Variants in TMEM232 observed in about 807,000 individuals in gnomAD.
TMEM232 encodes transmembrane protein 232.
TMEM232 carries 80 observed loss-of-function variants against 78.8 expected under a neutral mutation model. That is an observed-to-expected ratio of 1.01 (90% confidence interval 0.85 to 1.22). TMEM232 has a LOEUF of 1.22. Among genes scored for constraint, TMEM232 ranks in the 50% most tolerant of loss-of-function variants. The probability of loss-of-function intolerance (pLI) is 0.00; values close to 1 mark genes in which losing one functional copy is unlikely to be tolerated. For missense variants in TMEM232, 881 were observed against 742.2 expected, an observed-to-expected ratio of 1.19 and a Z score of -2.17; for synonymous variants, 297 against 254.3, an observed-to-expected ratio of 1.17 and a Z score of -1.60.
At chr5:110,540,748 T>C (rs965020137) in intron 11 of TMEM232, among the ~76,000 whole-genome samples, 3 of 152,188 alleles carry the variant, frequency 2.0e-5, no homozygotes, top group Admixed American at 2.0e-4. Flanking sequence ...TACCTGAGCA[T>C]TAATGTTGGG....
At chr5:110,597,594 C>T (rs538260269) in intron 10 of TMEM232, among the ~76,000 whole-genome samples, 34 of 151,612 alleles carry the variant, frequency 2.2e-4, no homozygotes, top group East Asian at 7.8e-4. Context: ...GGAGGCATCA[C>T]GCTACCTGAC....
chr5:110,695,002 C>G (rs981118612), intron 1 of TMEM232, among the ~76,000 whole-genome samples: 1 of 152,126 alleles, frequency 6.6e-6, no homozygotes, highest in South Asian at 2.1e-4. Flanking sequence ...AATATACATT[C>G]TTTTCAGCAC....
intron 1 of TMEM232, among the ~76,000 whole-genome samples, chr5:110,691,649 C>A (rs1372191491): frequency 6.6e-6 from 1 of 152,208 alleles, no homozygotes; most frequent in African/African-American, 2.4e-5. Flanking sequence ...TTACTGATTA[C>A]AACTTTGTCT....
intron 1 of TMEM232, among the ~76,000 whole-genome samples, chr5:110,719,748 C>T (rs1007897327): frequency 6.6e-6 from 1 of 152,136 alleles, no homozygotes; most frequent in Admixed American, 6.6e-5. Context: ...GGCATTCACA[C>T]CGTCACCCTG....
intron 12 of TMEM232, among the ~76,000 whole-genome samples, chr5:110,482,494 T>A (rs969903106): frequency 6.6e-6 from 1 of 151,660 alleles, no homozygotes; most frequent in African/African-American, 2.4e-5. Flanking sequence ...GGCAGGAGAA[T>A]CACTTGAACC....
chr5:110,639,754 C>T (rs1359438306), intron 4 of TMEM232, among the ~76,000 whole-genome samples: 3 of 152,196 alleles, frequency 2.0e-5, no homozygotes, highest in African/African-American at 7.2e-5. Context: ...CCAGCAGTCC[C>T]CAACCTTTTT....
At chr5:110,681,233 G>A (rs1395716547) in intron 1 of TMEM232, among the ~76,000 whole-genome samples, 2 of 152,154 alleles carry the variant, frequency 1.3e-5, no homozygotes, top group African/African-American at 4.8e-5. Flanking sequence ...TTTGGCCGAG[G>A]GGTGAGACTC....
At chr5:110,644,666 A>C (rs1787222088) in intron 2 of TMEM232, among the ~76,000 whole-genome samples, 1 of 151,734 alleles carries the variant, frequency 6.6e-6, no homozygotes, top group African/African-American at 2.4e-5. Context: ...ACATGAAGAA[A>C]TATCTGGAAA....
intron 10 of TMEM232, among the ~76,000 whole-genome samples, chr5:110,591,721 C>T (rs1301329531): frequency 1.3e-5 from 2 of 151,986 alleles, no homozygotes; most frequent in African/African-American, 4.8e-5. Context: ...TTCTGATATT[C>T]AAGTGACAAA....
At chr5:110,711,781 A>G (rs1394737063) in intron 1 of TMEM232, among the ~76,000 whole-genome samples, 1 of 152,164 alleles carries the variant, frequency 6.6e-6, no homozygotes, top group Non-Finnish European at 1.5e-5. Flanking sequence ...TACAAAAGTC[A>G]AACCAAAATG....
intron 8 of TMEM232, among the ~76,000 whole-genome samples, chr5:110,612,448 A>G (rs1363837667): frequency 6.6e-6 from 1 of 152,184 alleles, no homozygotes; most frequent in Non-Finnish European, 1.5e-5. Flanking sequence ...ATTTCAGTTC[A>G]TAAGAAATGA....
intron 2 of TMEM232, among the ~76,000 whole-genome samples, chr5:110,401,129 C>T (rs780326397): frequency 3.3e-5 from 5 of 151,960 alleles, no homozygotes; most frequent in Admixed American, 2.0e-4. Flanking sequence ...TCCAAAGCCA[C>T]GGTAGTTTGA....
At chr5:110,431,094 C>T (rs1757787635) in intron 12 of TMEM232, among the ~76,000 whole-genome samples, 2 of 151,444 alleles carry the variant, frequency 1.3e-5, no homozygotes, top group African/African-American at 4.8e-5. Context: ...TTTAGAGCTG[C>T]CGAGGTAGCC....
At chr5:110,601,027 C>T (rs1780815532) in intron 10 of TMEM232, among the ~76,000 whole-genome samples, 1 of 152,138 alleles carries the variant, frequency 6.6e-6, no homozygotes, top group East Asian at 1.9e-4. Flanking sequence ...AAACATAATC[C>T]ATCATATGAA....
intron 2 of TMEM232, among the ~76,000 whole-genome samples, chr5:110,647,422 A>G (rs901153608): frequency 2.6e-5 from 4 of 151,948 alleles, no homozygotes; most frequent in Non-Finnish European, 4.4e-5. Flanking sequence ...TTTATCACTC[A>G]CAACTGTTAT....
Position 110,420,723 on chromosome 5 carries a change from C to T in TMEM232, c.1831G>A (p.Asp611Asn), listed in dbSNP as rs752448808. ...AGTTCTTGGGCCTTGCATATTGCATCTTCTTTTTCTCGGATCTTTAGCTCT... is the reference window on the plus strand; with the variant it reads ...AGTTCTTGGGCCTTGCATATTGCATTTTCTTTTTCTCGGATCTTTAGCTCT... ...QEELKIREKE[D>N]AICKAQELKD... Residue 611 changes from aspartate to asparagine, a missense_variant, in exon 14 of 14, where the codon GAT (aspartate) becomes AAT (asparagine). Transcript: ENST00000455884. 3 of 1,524,056 alleles carry T rather than the reference C, an allele frequency of 2.0e-6. No homozygotes were observed. Among genetic ancestry groups the T allele is most frequent in the South Asian group, 1.2e-5 (1 of 80,742 alleles). The allele number at this position is 1,524,056 out of a possible 1,614,324, so 94.4% of individuals were successfully genotyped here. A position where few individuals can be genotyped will look rare whatever the true frequency, so the allele number is the denominator to read the frequency against.
At chr5:110,652,288 G>A (rs1021639946) in intron 2 of TMEM232, among the ~76,000 whole-genome samples, 12 of 8,518 alleles carry the variant, frequency 1.4e-3, no homozygotes, top group Non-Finnish European at 3.0e-3. Context: ...AAAAGTGCAC[G>A]CGCGCGCACA....
chr5:110,506,335 T>G (rs2149455090), intron 12 of TMEM232, among the ~76,000 whole-genome samples: 1 of 152,332 alleles, frequency 6.6e-6, no homozygotes, highest in African/African-American at 2.4e-5. Context: ...AATCTAGTAT[T>G]TTTAAAATCT....
intron 11 of TMEM232, among the ~76,000 whole-genome samples, chr5:110,565,244 T>C (rs1399434796): frequency 6.6e-6 from 1 of 151,980 alleles, no homozygotes; most frequent in African/African-American, 2.4e-5. Context: ...TTTATCTCAG[T>C]ATATTTTATT....
Sources: allele counts gnomAD v4.1 joint callset (sites outside exome capture counted in the v4.1 genomes callset), GRCh38; gene constraint gnomAD v4.1.1; transcripts MANE v1.5; gene names NCBI Gene and HGNC (gene_info 2026-07-23, HGNC 2026-07-21).